Variants in PRKCA observed in about 807,000 individuals in gnomAD.
The protein encoded by PRKCA is protein kinase C alpha, also known as protein kinase C alpha type.
Under a neutral mutation model 87.0 loss-of-function variants are expected in PRKCA, and 27 were observed. The observed-to-expected ratio is 0.31, with a 90% CI of 0.23 to 0.43. PRKCA has a LOEUF of 0.43. Among genes scored for constraint, PRKCA ranks in the 20% least tolerant of loss-of-function variants. PRKCA has a pLI of 1.00. For missense variants in PRKCA, 518 were observed against 852.3 expected, an observed-to-expected ratio of 0.61 and a Z score of 4.88; for synonymous variants, 329 against 311.1, an observed-to-expected ratio of 1.06 and a Z score of -0.61.
intron 3 of PRKCA, among the ~76,000 whole-genome samples, chr17:66,531,070 G>A (rs1967518512): frequency 6.6e-6 from 1 of 152,170 alleles, no homozygotes; most frequent in African/African-American, 2.4e-5. Flanking sequence ...TTGGCAATTA[G>A]GAGCTTTTCA....
intron 2 of PRKCA, among the ~76,000 whole-genome samples, chr17:66,320,851 A>T (rs1905614198): frequency 6.6e-6 from 1 of 152,216 alleles, no homozygotes; most frequent in African/African-American, 2.4e-5. Context: ...ACAAATGTAC[A>T]TATTTTTAGT....
intron 2 of PRKCA, among the ~76,000 whole-genome samples, chr17:66,446,762 AC>A (rs2143901810): frequency 6.6e-6 from 1 of 152,208 alleles, no homozygotes; most frequent in East Asian, 1.9e-4. Flanking sequence ...ACTGAGGTGT[AC>A]CCCTGGGCTG....
At chr17:66,510,312 A>G (rs537205712) in intron 3 of PRKCA, among the ~76,000 whole-genome samples, 13 of 152,282 alleles carry the variant, frequency 8.5e-5, no homozygotes, top group Non-Finnish European at 1.9e-4. Context: ...GGGACTCTTC[A>G]GTGCTTGAAG....
At chr17:66,602,278 G>A (rs1312922410) in intron 3 of PRKCA, among the ~76,000 whole-genome samples, 36 of 111,252 alleles carry the variant, frequency 3.2e-4, no homozygotes, top group African/African-American at 1.0e-3. Flanking sequence ...GTGGTGCGCC[G>A]TTTCTTAAGC....
chr17:66,740,849 T>C (rs1257966829), intron 11 of PRKCA, among the ~76,000 whole-genome samples: 2 of 152,226 alleles, frequency 1.3e-5, no homozygotes, highest in Admixed American at 6.5e-5. Context: ...AGATCACCTG[T>C]AGTAATCCCA....
intron 3 of PRKCA, among the ~76,000 whole-genome samples, chr17:66,592,320 A>T (rs1229507349): frequency 4.2e-5 from 5 of 119,810 alleles, no homozygotes; most frequent in African/African-American, 1.8e-4. Flanking sequence ...GCACCACTGC[A>T]CTCCAGTCTG....
intron 8 of PRKCA, among the ~76,000 whole-genome samples, chr17:66,714,132 G>GGTGGTGAAGT (rs1973412400): frequency 6.6e-6 from 1 of 152,094 alleles, no homozygotes; most frequent in Admixed American, 6.5e-5. Flanking sequence ...TATCTCGTGC[G>GGTGGTGAAGT]GTGGTGAAGT....
At chr17:66,556,323 CTT>C (rs61549626) in intron 3 of PRKCA, among the ~76,000 whole-genome samples, 13 of 128,950 alleles carry the variant, frequency 1.0e-4, no homozygotes, top group Admixed American at 1.6e-4. Context: ...CTTTCTTCTT[CTT>C]TTTTTTTTTT....
chr17:66,335,003 A>G (rs1906568873), intron 2 of PRKCA, among the ~76,000 whole-genome samples: 1 of 152,226 alleles, frequency 6.6e-6, no homozygotes, highest in Non-Finnish European at 1.5e-5. Context: ...GCCAATAACA[A>G]AAGGACAAAT....
intron 2 of PRKCA, among the ~76,000 whole-genome samples, chr17:66,367,095 CA>C (rs1417481973): frequency 6.6e-6 from 1 of 152,154 alleles, no homozygotes; most frequent in African/African-American, 2.4e-5. Flanking sequence ...TTCAGCGTGC[CA>C]AAAGCAAGGC....
chr17:66,640,069 C>T (rs1971250114), intron 3 of PRKCA, among the ~76,000 whole-genome samples: 1 of 152,082 alleles, frequency 6.6e-6, no homozygotes, highest in African/African-American at 2.4e-5. Context: ...TCTGCACTAC[C>T]TGCGTGGTAC....
At chr17:66,720,508 T>C (rs16960114) in intron 8 of PRKCA, among the ~76,000 whole-genome samples, 22,702 of 152,264 alleles carry the variant, frequency 0.15, 2,150 homozygotes, top group South Asian at 0.27. Flanking sequence ...TCAGTTCCTT[T>C]GTGGCTTTCT....
At chr17:66,772,350 C>T (rs940331860) in intron 13 of PRKCA, among the ~76,000 whole-genome samples, 6 of 152,140 alleles carry the variant, frequency 3.9e-5, no homozygotes, top group Non-Finnish European at 8.8e-5. Context: ...ATCTTGTTTA[C>T]CCTTGTTACT....
At chr17:66,684,964 C>T (rs1972586286) in intron 5 of PRKCA, among the ~76,000 whole-genome samples, 1 of 152,202 alleles carries the variant, frequency 6.6e-6, no homozygotes, top group African/African-American at 2.4e-5. Context: ...TCACATTTTT[C>T]ATCTTTGGTG....
intron 2 of PRKCA, among the ~76,000 whole-genome samples, chr17:66,418,565 A>G (rs573665683): frequency 6.6e-6 from 1 of 151,322 alleles, no homozygotes; most frequent in East Asian, 2.0e-4. Flanking sequence ...CCTCCTAAGT[A>G]GCTGGGACTT....
chr17:66,320,059 A>G (rs1905563227), intron 2 of PRKCA, among the ~76,000 whole-genome samples: 1 of 152,086 alleles, frequency 6.6e-6, no homozygotes, highest in Non-Finnish European at 1.5e-5. Context: ...ATTCATATAC[A>G]TTTAAATACT....
intron 2 of PRKCA, among the ~76,000 whole-genome samples, chr17:66,458,455 G>T (rs73996204): frequency 0.022 from 3,341 of 150,604 alleles, 118 homozygotes; most frequent in African/African-American, 0.077. Context: ...GATCCTTTCA[G>T]GTTTGTCTTC....
intron 5 of PRKCA, among the ~76,000 whole-genome samples, chr17:66,683,940 C>T (rs1050409091): frequency 6.6e-6 from 1 of 152,030 alleles, no homozygotes; most frequent in Non-Finnish European, 1.5e-5. Context: ...TGTTCTCATC[C>T]GCTTCCCCAC....
chr17:66,747,454 A>C (rs1295152607), intron 13 of PRKCA, among the ~76,000 whole-genome samples: 1 of 152,158 alleles, frequency 6.6e-6, no homozygotes, highest in African/African-American at 2.4e-5. Context: ...ACCACACACA[A>C]AGGACATCAC....
Sources: gnomAD v4.1 joint callset for allele counts (sites outside exome capture counted in the v4.1 genomes callset) on GRCh38, gnomAD v4.1.1 for gene constraint, MANE v1.5 for transcripts, NCBI Gene and HGNC (gene_info 2026-07-23, HGNC 2026-07-21) for gene names.